Variants in BBS9 observed in about 807,000 individuals in gnomAD.
The protein encoded by BBS9 is protein PTHB1.
BBS9 carries 89 observed loss-of-function variants against 117.7 expected under a neutral mutation model. The observed-to-expected ratio is 0.76, with a 90% CI of 0.64 to 0.90. The LOEUF (loss-of-function observed/expected upper bound fraction) is 0.90. Among genes scored for constraint, BBS9 ranks in the 40% least tolerant of loss-of-function variants. BBS9 has a pLI of 0.00. For missense variants in BBS9, 982 were observed against 1,042.2 expected (o/e 0.94, Z 0.80); for synonymous variants, 379 against 370.9 (o/e 1.02, Z -0.25).
intron 9 of BBS9, among the ~76,000 whole-genome samples, chr7:33,294,838 G>C (rs1204349312): frequency 6.6e-6 from 1 of 152,150 alleles, no homozygotes; most frequent in Admixed American, 6.5e-5. Flanking sequence ...AAAAATGTAA[G>C]TTATGCTATG....
intron 13 of BBS9, among the ~76,000 whole-genome samples, chr7:33,350,470 G>A (rs1818431002): frequency 6.6e-6 from 1 of 152,014 alleles, no homozygotes; most frequent in South Asian, 2.1e-4. Flanking sequence ...CAGGTTGGGG[G>A]CCAGATATGT....
At chr7:33,302,683 C>T (rs1233294520) in intron 9 of BBS9, among the ~76,000 whole-genome samples, 2 of 152,010 alleles carry the variant, frequency 1.3e-5, no homozygotes, top group Non-Finnish European at 2.9e-5. Flanking sequence ...TATGGTACCT[C>T]TGTAGTATAA....
At chr7:33,420,194 G>T (rs1242641592) in intron 19 of BBS9, among the ~76,000 whole-genome samples, 1 of 152,146 alleles carries the variant, frequency 6.6e-6, no homozygotes, top group East Asian at 1.9e-4. Context: ...GTAAGCTCTG[G>T]CAGATTATTG....
chr7:33,412,189 A>AT (rs1265311115), intron 19 of BBS9, among the ~76,000 whole-genome samples: 1 of 152,114 alleles, frequency 6.6e-6, no homozygotes, highest in African/African-American at 2.4e-5. Context: ...CTTCTATGTC[A>AT]TTTTTTCTTC....
intron 21 of BBS9, among the ~76,000 whole-genome samples, chr7:33,539,119 G>A (rs1262437263): frequency 6.6e-6 from 1 of 152,174 alleles, no homozygotes. Context: ...GGATTCTAGA[G>A]TTCAATTAGA....
At chr7:33,244,168 T>C (rs1794973732) in intron 5 of BBS9, among the ~76,000 whole-genome samples, 1 of 152,184 alleles carries the variant, frequency 6.6e-6, no homozygotes, top group Non-Finnish European at 1.5e-5. Context: ...AGGTAGAGGT[T>C]GCAGTGAGCC....
intron 21 of BBS9, among the ~76,000 whole-genome samples, chr7:33,602,716 C>T (rs182253925): frequency 3.4e-4 from 52 of 152,034 alleles, no homozygotes; most frequent in Admixed American, 1.1e-3. Context: ...GCAACAAGAG[C>T]GAAACTCTGT....
chr7:33,173,425 C>T (rs1244224151), intron 4 of BBS9, among the ~76,000 whole-genome samples: 3 of 151,700 alleles, frequency 2.0e-5, no homozygotes, highest in African/African-American at 4.8e-5. Flanking sequence ...TTAAAAAATA[C>T]AAAAAATCAG....
chr7:33,385,389 A>G (rs1428571520), intron 18 of BBS9, among the ~76,000 whole-genome samples: 1 of 152,190 alleles, frequency 6.6e-6, no homozygotes, highest in African/African-American at 2.4e-5. Flanking sequence ...AACTTTGAAT[A>G]CAGTTGGGTT....
intron 7 of BBS9, among the ~76,000 whole-genome samples, chr7:33,270,565 G>A (rs1318132234): frequency 6.6e-6 from 1 of 152,186 alleles, no homozygotes; most frequent in East Asian, 1.9e-4. Context: ...AATTCGTAAT[G>A]TAATCACAAG....
chr7:33,628,172 GCAT>G (rs1462969807), intron 21 of BBS9, among the ~76,000 whole-genome samples: 3 of 152,022 alleles, frequency 2.0e-5, no homozygotes, highest in African/African-American at 7.2e-5. Context: ...TTAAAAGCCA[GCAT>G]CATCCTGATA....
At chr7:33,558,779 A>T (rs1033252468) in intron 21 of BBS9, among the ~76,000 whole-genome samples, 2 of 152,202 alleles carry the variant, frequency 1.3e-5, no homozygotes, top group African/African-American at 4.8e-5. Flanking sequence ...CTCAGTTCTC[A>T]GGCATTTATC....
At chr7:33,542,675 C>A (rs1029946974) in intron 21 of BBS9, among the ~76,000 whole-genome samples, 8 of 150,432 alleles carry the variant, frequency 5.3e-5, no homozygotes, top group Non-Finnish European at 7.4e-5. Flanking sequence ...CCTTTTTATG[C>A]CTGCGTAGTA....
intron 19 of BBS9, among the ~76,000 whole-genome samples, chr7:33,463,663 A>G (rs1002063373): frequency 2.6e-5 from 4 of 152,134 alleles, no homozygotes; most frequent in Non-Finnish European, 4.4e-5. Context: ...TATAGCAACC[A>G]GATTGTAAAC....
intron 21 of BBS9, among the ~76,000 whole-genome samples, chr7:33,621,160 A>T (rs1246436297): frequency 6.6e-6 from 1 of 152,144 alleles, no homozygotes; most frequent in African/African-American, 2.4e-5. Flanking sequence ...CTGGGCAGTG[A>T]TTATTTGGAC....
chr7:33,387,419 T>C (rs753456187), intron 18 of BBS9, among the ~76,000 whole-genome samples: 9 of 152,214 alleles, frequency 5.9e-5, no homozygotes, highest in Non-Finnish European at 1.2e-4. Context: ...ACTTTGTCTC[T>C]GTAGTTATTG....
At chr7:33,582,296 G>A (rs1219732896) in intron 21 of BBS9, among the ~76,000 whole-genome samples, 1 of 152,006 alleles carries the variant, frequency 6.6e-6, no homozygotes, top group East Asian at 1.9e-4. Flanking sequence ...CACAGAGGTG[G>A]GGCACAGTGT....
intron 15 of BBS9, among the ~76,000 whole-genome samples, 187 bp downstream of exon 15, chr7:33,353,060 C>T (rs1389763551): frequency 1.3e-5 from 2 of 151,900 alleles, no homozygotes; most frequent in Non-Finnish European, 2.9e-5. Context: ...AGAGACTTGT[C>T]ATTATTAGTT....
chr7:33,305,637 A>C (rs1807739976), intron 9 of BBS9, among the ~76,000 whole-genome samples: 1 of 152,124 alleles, frequency 6.6e-6, no homozygotes, highest in African/African-American at 2.4e-5. Context: ...CAATCTTGAT[A>C]GGTTGTATGC....
Sources: allele counts gnomAD v4.1 joint callset (sites outside exome capture counted in the v4.1 genomes callset), GRCh38; gene constraint gnomAD v4.1.1; transcripts MANE v1.5; gene names NCBI Gene and HGNC (gene_info 2026-07-23, HGNC 2026-07-21).